Variants in COL15A1 observed in about 807,000 individuals in gnomAD.
COL15A1 encodes the protein collagen type XV alpha 1 chain.
In COL15A1, 111 loss-of-function variants were observed where a neutral mutation model predicts 165.9. The observed-to-expected ratio is 0.67, with a 90% CI of 0.57 to 0.78. COL15A1 has a LOEUF of 0.78. COL15A1 is among the 30% of genes least tolerant of loss of function. The pLI, the probability that COL15A1 is intolerant of heterozygous loss-of-function variation, is 0.00. For synonymous variants in COL15A1, 659 were observed against 674.8 expected (o/e 0.98, Z 0.36); for missense variants, 1,745 against 1,789.7 (o/e 0.98, Z 0.45).
chr9:99,060,099 G>A, intron 36 of COL15A1, 146 bp downstream of exon 36: 4 of 814,046 alleles, frequency 4.9e-6, no homozygotes, highest in East Asian at 3.1e-5. Flanking sequence ...ATAGTAGAAG[G>A]GATTTGTTAT....
chr9:99,048,754 A>T (rs1408349635), intron 28 of COL15A1, among the ~76,000 whole-genome samples: 3 of 125,446 alleles, frequency 2.4e-5, no homozygotes, highest in African/African-American at 9.4e-5. Context: ...CATGTGTTTT[A>T]AGGAGAGTTT....
At chr9:98,967,094 G>C (rs1381915902) in intron 2 of COL15A1, among the ~76,000 whole-genome samples, 2 of 152,188 alleles carry the variant, frequency 1.3e-5, no homozygotes, top group East Asian at 3.9e-4. Context: ...GGTGACACTG[G>C]GAGATATGGA....
intron 2 of COL15A1, among the ~76,000 whole-genome samples, chr9:98,978,783 C>T (rs528869683): frequency 6.6e-6 from 1 of 152,068 alleles, no homozygotes; most frequent in South Asian, 2.1e-4. Context: ...CATGTATATG[C>T]TGTAAAATAG....
chr9:99,004,896 A>G lies in COL15A1; in HGVS notation c.1201-2A>G, dbSNP rs767794809. ...CGCGGTTCCTGTTGACTTTCTATTC[A>G]GGGTCCAGATAATGAAGAGCGTTTA... is the stretch of plus-strand genomic sequence containing the variant. On this transcript the variant is annotated splice_acceptor_variant, in intron 8 of 41. Coordinates refer to ENST00000375001, the MANE Select transcript of COL15A1 (RefSeq NM_001855.5). LOFTEE classifies it high-confidence loss of function. 2 of 1,613,940 alleles carry G rather than the reference A, an allele frequency of 1.2e-6. No individual in the cohort carries two copies. The highest frequency in any genetic ancestry group is 8.5e-7 in the Non-Finnish European group (1 of 1,179,902).
intron 2 of COL15A1, among the ~76,000 whole-genome samples, chr9:98,960,567 G>T (rs1212942867): frequency 6.6e-6 from 1 of 152,176 alleles, no homozygotes; most frequent in Non-Finnish European, 1.5e-5. Flanking sequence ...AGTGTAAGCT[G>T]CAGTGCTGTG....
At chr9:99,051,316 C>G (rs1284073885) in intron 30 of COL15A1, among the ~76,000 whole-genome samples, 10 of 152,048 alleles carry the variant, frequency 6.6e-5, no homozygotes, top group Admixed American at 6.6e-4. Flanking sequence ...CTTTGGGGGT[C>G]GTGGGGATAC....
At chr9:98,964,189 C>T (rs911221247) in intron 2 of COL15A1, among the ~76,000 whole-genome samples, 2 of 152,204 alleles carry the variant, frequency 1.3e-5, no homozygotes, top group Non-Finnish European at 2.9e-5. Context: ...GGGGTTCCCC[C>T]GAGGTCACCT....
At chr9:99,014,359 T>G (rs114246500) in intron 9 of COL15A1, among the ~76,000 whole-genome samples, 1 of 152,322 alleles carries the variant, frequency 6.6e-6, no homozygotes, top group African/African-American at 2.4e-5. Flanking sequence ...TCCATCATCC[T>G]AGAAGCAGGA....
chr9:98,948,959 A>T (rs912723280), intron 2 of COL15A1, among the ~76,000 whole-genome samples: 1 of 152,242 alleles, frequency 6.6e-6, no homozygotes, highest in Admixed American at 6.5e-5. Flanking sequence ...ATATAGGATA[A>T]TCCCCAGAAG....
chr9:98,966,685 C>T (rs1473021668), intron 2 of COL15A1, among the ~76,000 whole-genome samples: 4 of 152,060 alleles, frequency 2.6e-5, no homozygotes, highest in Non-Finnish European at 4.4e-5. Context: ...GAAGGAGAGC[C>T]GAGGGCAGCC....
chr9:98,983,010 G>A (rs182356902), intron 2 of COL15A1, among the ~76,000 whole-genome samples: 14 of 152,100 alleles, frequency 9.2e-5, no homozygotes, highest in Admixed American at 5.9e-4. Flanking sequence ...TCACAACAAC[G>A]CTATAGGCTA....
At chr9:99,013,087 G>C (rs77532138) in intron 9 of COL15A1, among the ~76,000 whole-genome samples, 30 of 151,954 alleles carry the variant, frequency 2.0e-4, no homozygotes, top group African/African-American at 7.0e-4. Flanking sequence ...TGCTGGTTGC[G>C]GGTGAGACTC....
intron 15 of COL15A1, among the ~76,000 whole-genome samples, 166 bp from the exon 16 acceptor site, chr9:99,025,738 G>A (rs1839112068): frequency 6.6e-6 from 1 of 152,198 alleles, no homozygotes; most frequent in African/African-American, 2.4e-5. Context: ...ACAGTCAGCA[G>A]TGACCCAGCC....
At chr9:99,000,348 A>G (rs992012995) in intron 6 of COL15A1, among the ~76,000 whole-genome samples, 2 of 152,036 alleles carry the variant, frequency 1.3e-5, no homozygotes, top group Non-Finnish European at 2.9e-5. Flanking sequence ...ATATATGTAT[A>G]TATTATGTAT....
At chr9:99,048,050 GAGAGTGTGGGGTCCAC>G (rs1839523080) in intron 28 of COL15A1, 50 bp downstream of exon 28, 2 of 987,718 alleles carry the variant, frequency 2.0e-6, no homozygotes, top group African/African-American at 3.2e-5. Context: ...GAGAGGGTGA[GAGAGTGTGGGGTCCAC>G]AGAGCAGGGC....
intron 16 of COL15A1, among the ~76,000 whole-genome samples, chr9:99,031,417 G>T (rs935501517): frequency 2.0e-5 from 3 of 152,186 alleles, no homozygotes; most frequent in Non-Finnish European, 4.4e-5. Context: ...GCAAACCCAT[G>T]AACCTCACCC....
chr9:99,039,159 T>G (rs1000069646), intron 22 of COL15A1, among the ~76,000 whole-genome samples: 1 of 152,192 alleles, frequency 6.6e-6, no homozygotes, highest in Non-Finnish European at 1.5e-5. Flanking sequence ...ACTCTGGAAA[T>G]TATCTGTGTG....
At chr9:99,042,138 T>A in intron 24 of COL15A1, 31 bp downstream of exon 24, 1 of 1,519,644 alleles carries the variant, frequency 6.6e-7, no homozygotes, top group Non-Finnish European at 9.0e-7. Flanking sequence ...TGAGTGAGAT[T>A]GGGCGCTGGA....
chr9:99,030,339 C>A (rs1017040687), intron 16 of COL15A1, among the ~76,000 whole-genome samples: 1 of 152,204 alleles, frequency 6.6e-6, no homozygotes, highest in African/African-American at 2.4e-5. Flanking sequence ...CACAAAAATT[C>A]TCTCACTAAG....
Sources: gnomAD v4.1 joint callset for allele counts (sites outside exome capture counted in the v4.1 genomes callset) on GRCh38, gnomAD v4.1.1 for gene constraint, MANE v1.5 for transcripts, NCBI Gene and HGNC (gene_info 2026-07-23, HGNC 2026-07-21) for gene names.